Variants in RAB31 observed in about 807,000 individuals in gnomAD.
The protein encoded by RAB31 is RAB31, member RAS oncogene family.
A neutral mutation model predicts 25.6 loss-of-function variants in RAB31; 21 were observed. That is an observed-to-expected ratio of 0.82 (90% CI 0.58 to 1.18). RAB31 has a LOEUF of 1.18. Ranked by LOEUF, RAB31 falls within the 50% of genes most tolerant of loss-of-function variation. The pLI is 0.00. For synonymous variants in RAB31, 87 were observed against 84.0 expected (o/e 1.04, Z -0.20); for missense variants, 196 against 250.1 (o/e 0.78, Z 1.46).
chr18:9,745,491 A>T (rs910282363), intron 1 of RAB31, among the ~76,000 whole-genome samples: 2 of 152,194 alleles, frequency 1.3e-5, no homozygotes, highest in Non-Finnish European at 2.9e-5. Context: ...TTACAAGAAC[A>T]CTATAGACCA....
Position 9,794,521 on chromosome 18 carries a change from C to T in RAB31, c.201+2286C>T, listed in dbSNP as rs559129080. The stretch of plus-strand genomic sequence containing the variant: ...AATGCAATTCCCATCAAAATAACAC[C>T]ATCATTTCATTCAGGCTGGGCACCG... On this transcript the variant is annotated intron_variant, in intron 3 of 6. Transcript: ENST00000578921. 2.2e-4 allele frequency among the ~76,000 whole-genome samples: 33 copies of T among 152,132 alleles called. 1 individual carries two copies. The South Asian group carries it at 6.2e-3, about 29-fold the overall frequency.
chr18:9,787,102 G>A (rs1208824767), intron 2 of RAB31: 1 of 216,860 alleles, frequency 4.6e-6, no homozygotes, highest in Non-Finnish European at 1.0e-5. Flanking sequence ...GAAAATTTAT[G>A]AATGTCGTCA....
chr18:9,842,851 G>A lies in RAB31; in HGVS notation c.381-2731G>A, dbSNP rs115925292. Reference sequence around the variant, plus strand: ...ATTAGGCATGTCACTTCGGCAGGCCGATGATTTAATGAGACTCACCTCTAG... The same window carrying A: ...ATTAGGCATGTCACTTCGGCAGGCCAATGATTTAATGAGACTCACCTCTAG... On this transcript the variant is annotated intron_variant, in intron 5 of 6. Transcript: ENST00000578921. 9.0e-3 allele frequency among the ~76,000 whole-genome samples: 1,374 copies of A among 152,346 alleles called. 23 individuals are homozygous for A. The highest frequency in any genetic ancestry group is 0.032 in the African/African-American group (1,317 of 41,568).
At chr18:9,794,501 A>C (rs2068476865) in intron 3 of RAB31, among the ~76,000 whole-genome samples, 3 of 152,210 alleles carry the variant, frequency 2.0e-5, no homozygotes, top group Non-Finnish European at 2.9e-5. Context: ...AATTCAATGC[A>C]ATTCCCATCA....
intron 1 of RAB31, among the ~76,000 whole-genome samples, chr18:9,723,055 AT>A (rs895862165): frequency 3.6e-4 from 54 of 150,240 alleles, no homozygotes; most frequent in Non-Finnish European, 5.3e-4. Flanking sequence ...TCATAAAAGC[AT>A]TTTTTTTTTG....
intron 6 of RAB31, among the ~76,000 whole-genome samples, chr18:9,858,887 G>T (rs1198003739): frequency 6.6e-6 from 1 of 152,214 alleles, no homozygotes; most frequent in Non-Finnish European, 1.5e-5. Context: ...GGGAAGGCAG[G>T]GAGAGGGAAG....
chr18:9,746,157 T>A (rs2068204441), intron 1 of RAB31, among the ~76,000 whole-genome samples: 1 of 152,184 alleles, frequency 6.6e-6, no homozygotes, highest in Admixed American at 6.6e-5. Context: ...ATGATTCCAT[T>A]TATAATAGCA....
chr18:9,774,782 T>C, intron 1 of RAB31: 1 of 499,086 alleles, frequency 2.0e-6, no homozygotes, highest in Non-Finnish European at 4.0e-6. Context: ...TTGGAAGTTA[T>C]TACCCAACCA....
chr18:9,785,573 CCTT>C (rs1271076694), intron 2 of RAB31, among the ~76,000 whole-genome samples: 1 of 152,194 alleles, frequency 6.6e-6, no homozygotes. Context: ...CACTATCTGA[CCTT>C]CTCCTGTCCT....
chr18:9,757,311 T>G (rs2145481576), intron 1 of RAB31, among the ~76,000 whole-genome samples: 1 of 152,116 alleles, frequency 6.6e-6, no homozygotes, highest in South Asian at 2.1e-4. Context: ...CGGCCTGCAG[T>G]GGGGACATGG....
At chr18:9,747,538 A>G (rs1298764129) in intron 1 of RAB31, among the ~76,000 whole-genome samples, 2 of 152,262 alleles carry the variant, frequency 1.3e-5, no homozygotes, top group African/African-American at 4.8e-5. Context: ...AAAAATGAAT[A>G]AACTACCGAC....
At chr18:9,748,951 T>C (rs928866634) in intron 1 of RAB31, among the ~76,000 whole-genome samples, 8 of 151,992 alleles carry the variant, frequency 5.3e-5, no homozygotes, top group Admixed American at 1.3e-4. Flanking sequence ...ATTCAAATAG[T>C]ATAGAAAGGT....
At chr18:9,809,084 A>C (rs887025945) in intron 3 of RAB31, among the ~76,000 whole-genome samples, 1 of 152,246 alleles carries the variant, frequency 6.6e-6, no homozygotes, top group Non-Finnish European at 1.5e-5. Flanking sequence ...GTGCGAGCAC[A>C]TAAGGCAGTA....
At chr18:9,787,721 A>G (rs1035943259) in intron 2 of RAB31, 1 of 153,066 alleles carries the variant, frequency 6.5e-6, no homozygotes, top group Non-Finnish European at 1.5e-5. Context: ...TCGTGAGTTC[A>G]AGCATTAATT....
At chr18:9,817,049 CA>C (rs1464647195) in intron 5 of RAB31, among the ~76,000 whole-genome samples, 1 of 152,042 alleles carries the variant, frequency 6.6e-6, no homozygotes, top group Non-Finnish European at 1.5e-5. Flanking sequence ...GGGATTTGGA[CA>C]AATCTTCAAA....
intron 3 of RAB31, among the ~76,000 whole-genome samples, chr18:9,798,070 T>G (rs1010327574): frequency 6.6e-6 from 1 of 152,220 alleles, no homozygotes; most frequent in African/African-American, 2.4e-5. Flanking sequence ...CATCCATAAT[T>G]TTAAAGAAAT....
At chr18:9,798,169 G>A (rs77401463) in intron 3 of RAB31, among the ~76,000 whole-genome samples, 2,844 of 152,276 alleles carry the variant, frequency 0.019, 98 homozygotes, top group African/African-American at 0.065. Context: ...TTGGGATAAC[G>A]ATTTCAAAGT....
intron 1 of RAB31, among the ~76,000 whole-genome samples, chr18:9,755,910 C>T (rs2068258371): frequency 6.6e-6 from 1 of 152,162 alleles, no homozygotes; most frequent in Admixed American, 6.5e-5. Context: ...TTTAGGCTGC[C>T]TTGTGTTTCC....
intron 5 of RAB31, among the ~76,000 whole-genome samples, chr18:9,843,400 G>A (rs1304544850): frequency 6.6e-6 from 1 of 152,008 alleles, no homozygotes; most frequent in African/African-American, 2.4e-5. Context: ...ACAAAAATTA[G>A]CCAGGTGTGG....
Sources: gnomAD v4.1 joint callset for allele counts (sites outside exome capture counted in the v4.1 genomes callset) on GRCh38, gnomAD v4.1.1 for gene constraint, MANE v1.5 for transcripts, NCBI Gene and HGNC (gene_info 2026-07-23, HGNC 2026-07-21) for gene names.